The following SLC41A2 variants were observed in gnomAD, a reference collection of about 807,000 sequenced individuals.
SLC41A2 encodes SLC41A1-like 1.
Under a neutral mutation model 58.3 loss-of-function variants are expected in SLC41A2, and 32 were observed. That is an observed-to-expected ratio of 0.55 (90% CI 0.41 to 0.74). The LOEUF (loss-of-function observed/expected upper bound fraction) is 0.74. Among genes scored for constraint, SLC41A2 ranks in the 30% least tolerant of loss-of-function variants. SLC41A2 has a pLI of 0.00. For missense variants in SLC41A2, 514 were observed against 680.6 expected, an observed-to-expected ratio of 0.76 and a Z score of 2.72; for synonymous variants, 190 against 235.0, an observed-to-expected ratio of 0.81 and a Z score of 1.75.
chr12:104,955,375 T>A (rs1308040715), intron 1 of SLC41A2, among the ~76,000 whole-genome samples: 1 of 152,192 alleles, frequency 6.6e-6, no homozygotes, highest in Non-Finnish European at 1.5e-5. Context: ...ATTAGGTTCC[T>A]CAGCTTCCAC....
intron 6 of SLC41A2, among the ~76,000 whole-genome samples, chr12:104,866,907 T>C (rs1290889694): frequency 6.6e-6 from 1 of 152,152 alleles, no homozygotes; most frequent in East Asian, 1.9e-4. Context: ...TACCAAGTAC[T>C]ATGCTAAATG....
At chr12:104,834,149 T>C in intron 10 of SLC41A2, 5 of 985,398 alleles carry the variant, frequency 5.1e-6, no homozygotes, top group Non-Finnish European at 6.0e-6. Context: ...TCATCTTCTG[T>C]GCATCACTGG....
chr12:104,882,935 C>A (rs2044457805), intron 6 of SLC41A2, among the ~76,000 whole-genome samples: 1 of 152,210 alleles, frequency 6.6e-6, no homozygotes, highest in Admixed American at 6.5e-5. Flanking sequence ...GTTCCATTCT[C>A]CTCATCACTT....
In SLC41A2 at chr12:104,812,631, G is replaced by A. The variant is rs534364572; in HGVS notation, c.1537-7294C>T. ...TTGAAGCAAAATGAGGGCTTGAACC[G>A]AGAGAAAAATGGGATTCAGGAAATG... On this transcript the variant is annotated intron_variant, in intron 10 of 10. Coordinates refer to ENST00000258538, the MANE Select transcript of SLC41A2 (RefSeq NM_001352171.3). Among the ~76,000 whole-genome samples, 4 of 152,156 alleles carry A rather than the reference G, an allele frequency of 2.6e-5. No homozygotes were observed. The South Asian group carries it at 6.2e-4, about 24-fold the overall frequency.
chr12:104,931,572 A>T (rs541684232), intron 1 of SLC41A2: 1 of 152,370 alleles, frequency 6.6e-6, no homozygotes, highest in Non-Finnish European at 1.5e-5. Flanking sequence ...AATAAAAGAG[A>T]TAATTTGTGA....
intron 1 of SLC41A2, among the ~76,000 whole-genome samples, chr12:104,930,837 C>T (rs1429888785): frequency 3.3e-5 from 5 of 152,234 alleles, no homozygotes; most frequent in Admixed American, 6.5e-5. Flanking sequence ...CAAGATCAGT[C>T]ATCTCGCAGA....
At chr12:104,829,301 C>G (rs1197462405) in intron 10 of SLC41A2, among the ~76,000 whole-genome samples, 1 of 152,084 alleles carries the variant, frequency 6.6e-6, no homozygotes, top group Non-Finnish European at 1.5e-5. Flanking sequence ...ATACAATGGA[C>G]TACTACTCAG....
intron 10 of SLC41A2, among the ~76,000 whole-genome samples, chr12:104,839,780 G>A (rs2042343503): frequency 6.6e-6 from 1 of 152,214 alleles, no homozygotes; most frequent in Non-Finnish European, 1.5e-5. Context: ...TGGGGTTACA[G>A]GCGTAAGCCA....
chr12:104,804,458 CA>C lies in SLC41A2; in HGVS notation c.*693del, dbSNP rs973607445. 6.6e-6 allele frequency: 1 copy of C among 152,142 alleles called. No individual in the cohort carries two copies. Among genetic ancestry groups the C allele is most frequent in the African/African-American group, 2.4e-5 (1 of 41,420 alleles). 9.4% of individuals were successfully genotyped at this position (152,142 alleles called of 1,614,324 possible). On this transcript the variant is annotated 3_prime_UTR_variant, in exon 11 of 11. Coordinates refer to ENST00000258538, the MANE Select transcript of SLC41A2 (RefSeq NM_001352171.3). Reference sequence around the variant, plus strand: ...TTAAAACACATCAACATTTTTCCAACAAATCAATCATCAAAAAATGACTCAC... The same window carrying C: ...TTAAAACACATCAACATTTTTCCAACAATCAATCATCAAAAAATGACTCAC...
Position 104,909,678 on chromosome 12 carries a change from A to G in SLC41A2, c.640T>C (p.Leu214=). ...LGLKGNLEMT[L]ASRLSTAVNI... ...ACTGCAGTGGATAATCTGGATGCCA[A>G]TGTCATTTCCAAGTTCCCTTTGAGA... Residue 214 remains leucine, a synonymous_variant, in exon 3 of 11, where the codon TTG becomes CTG. Transcript: ENST00000258538. The G allele has an allele frequency of 3.1e-6, 5 of 1,610,496 alleles. No individual in the cohort carries two copies. Among genetic ancestry groups the G allele is most frequent in the Non-Finnish European group, 3.4e-6 (4 of 1,178,940 alleles).
chr12:104,923,076 A>C (rs1344182690), intron 2 of SLC41A2, among the ~76,000 whole-genome samples: 2 of 151,644 alleles, frequency 1.3e-5, no homozygotes, highest in South Asian at 2.1e-4. Context: ...ATGTCAAAAA[A>C]TAGAGGCCGG....
rs199790644 is a variant in SLC41A2, at chr12:104,892,313, A to C, written c.735+2961T>G. 6.6e-5 allele frequency among the ~76,000 whole-genome samples: 9 copies of C among 136,968 alleles called. No homozygotes were observed. The East Asian group carries it at 2.4e-3, about 36-fold the overall frequency. 89.9% of individuals were successfully genotyped at this position (136,968 alleles called of 152,430 possible). A position where few individuals can be genotyped will look rare whatever the true frequency, so the allele number is the denominator to read the frequency against. On this transcript the variant is annotated intron_variant, in intron 4 of 10. Transcript: ENST00000258538. Reference sequence around the variant, plus strand: ...CTCATCTCAAAAAAAAAATAAAATAAAATAAAATAAAATAAAATAAAATAT... The same window carrying C: ...CTCATCTCAAAAAAAAAATAAAATACAATAAAATAAAATAAAATAAAATAT...
intron 10 of SLC41A2, among the ~76,000 whole-genome samples, chr12:104,816,257 C>T (rs1348307997): frequency 6.6e-6 from 1 of 152,096 alleles, no homozygotes; most frequent in African/African-American, 2.4e-5. Flanking sequence ...CAAAAAAAGA[C>T]CAAGATGAAA....
intron 6 of SLC41A2, among the ~76,000 whole-genome samples, chr12:104,874,274 C>A (rs557037706): frequency 6.6e-6 from 1 of 151,998 alleles, no homozygotes; most frequent in Non-Finnish European, 1.5e-5. Flanking sequence ...TGGGTTTTCA[C>A]CGTGTTAGCC....
intron 6 of SLC41A2, among the ~76,000 whole-genome samples, chr12:104,867,482 T>C (rs2043524420): frequency 1.3e-5 from 2 of 151,984 alleles, no homozygotes; most frequent in Admixed American, 6.6e-5. Flanking sequence ...ACTTAATATT[T>C]TGATCTTACA....
chr12:104,905,535 C>G (rs2045795215), intron 3 of SLC41A2, among the ~76,000 whole-genome samples: 1 of 152,254 alleles, frequency 6.6e-6, no homozygotes, highest in African/African-American at 2.4e-5. Flanking sequence ...CTTGGATGGT[C>G]GATGGGACTG....
At chr12:104,826,220 G>C (rs2041839594) in intron 10 of SLC41A2, among the ~76,000 whole-genome samples, 1 of 152,184 alleles carries the variant, frequency 6.6e-6, no homozygotes. Context: ...TGGAGGAAAA[G>C]CACCTCATAG....
At chr12:104,839,512 T>C (rs902363280) in intron 10 of SLC41A2, among the ~76,000 whole-genome samples, 16 of 129,724 alleles carry the variant, frequency 1.2e-4, no homozygotes, top group Non-Finnish European at 3.0e-4. Context: ...TTTTTTTTTC[T>C]TTTTTTTTTG....
chr12:104,886,221 G>T, intron 6 of SLC41A2, 72 bp downstream of exon 6: 1 of 1,502,774 alleles, frequency 6.7e-7, no homozygotes, highest in South Asian at 1.2e-5. Context: ...ATGGATTCAT[G>T]GCATTGCTGC....
Sources: gnomAD v4.1 joint callset for allele counts (sites outside exome capture counted in the v4.1 genomes callset) on GRCh38, gnomAD v4.1.1 for gene constraint, MANE v1.5 for transcripts, NCBI Gene and HGNC (gene_info 2026-07-23, HGNC 2026-07-21) for gene names.